The following MYL6B variants were observed in gnomAD, a reference collection of about 807,000 sequenced individuals.
MYL6B encodes the protein myosin light chain 6B, also known as myosin alkali light chain 1 slow a.
Under a neutral mutation model 24.5 loss-of-function variants are expected in MYL6B, and 19 were observed. The ratio of observed to expected loss-of-function variants is 0.78; its 90% CI spans 0.54 to 1.14. MYL6B has a LOEUF of 1.14. MYL6B is among the 50% of genes most tolerant of loss of function. The probability of loss-of-function intolerance (pLI) is 0.00; values close to 1 mark genes in which losing one functional copy is unlikely to be tolerated. For synonymous variants in MYL6B, 90 were observed against 100.7 expected (o/e 0.89, Z 0.64); for missense variants, 230 against 263.8 (o/e 0.87, Z 0.89).
At position 56,154,868 on chromosome 12, in the gene MYL6B, G is replaced by C. The variant is rs753411817; in HGVS notation, c.202+28G>C. ...GAGGAGAAGCTCATCTAAGGCCACT[G>C]TCCCATCCCCAATCCCCTGGTCAGA... On this transcript the variant is annotated intron_variant, in intron 3 of 6. Coordinates refer to ENST00000553066, the Ensembl canonical transcript of MYL6B. The C allele has an allele frequency of 1.9e-6, 3 of 1,606,518 alleles. No individual in the cohort carries two copies. The South Asian group carries it at 3.3e-5, about 18-fold the overall frequency.
chr12:56,157,719 G>A (rs1179354540), exon 7 of MYL6B: 2 of 1,612,142 alleles, frequency 1.2e-6, no homozygotes, highest in African/African-American at 2.7e-5. Context: ...CACATCCTAA[G>A]CGTCTGAGTG....
intron 1 of MYL6B, 64 bp from the exon 2 acceptor site, chr12:56,153,800 TTGCCACAGC>T: frequency 9.2e-7 from 1 of 1,083,938 alleles, no homozygotes; most frequent in Non-Finnish European, 1.3e-6. Flanking sequence ...TACCTCATCT[TTGCCACAGC>T]CAACTGGCTC....
chr12:56,156,085 C>T (rs1455626733), intron 5 of MYL6B: 1 of 1,015,086 alleles, frequency 9.9e-7, no homozygotes, highest in South Asian at 2.7e-5. Flanking sequence ...GCGGGCGGAT[C>T]ACCTTAGCTC....
chr12:56,155,033 C>T, intron 3 of MYL6B, 22 bp from the exon 4 acceptor site: 2 of 1,601,378 alleles, frequency 1.2e-6, no homozygotes, highest in Non-Finnish European at 1.7e-6. Context: ...AGTGTCTACA[C>T]TGACCCTTCC....
chr12:56,155,071 C>T (rs1758424812), exon 4 of MYL6B: 7 of 1,612,726 alleles, frequency 4.3e-6, no homozygotes, highest in Admixed American at 3.3e-5. Context: ...AGGAGGCCTT[C>T]GAGCTGTTTG....
chr12:56,155,760 C>T (rs2136905319), intron 5 of MYL6B, 168 bp downstream of exon 5: 1 of 1,528,994 alleles, frequency 6.5e-7, no homozygotes, highest in East Asian at 2.5e-5. Flanking sequence ...GAAGGACTCG[C>T]TCTTCCAGAG....
chr12:56,157,179 G>C (rs1016580172), intron 5 of MYL6B: 6 of 376,392 alleles, frequency 1.6e-5, no homozygotes, highest in African/African-American at 1.2e-4. Flanking sequence ...TGTATGACCT[G>C]AGGTCAAGAG....
At chr12:56,155,741 G>C in intron 5 of MYL6B, 149 bp downstream of exon 5, 1 of 1,538,300 alleles carries the variant, frequency 6.5e-7, no homozygotes, top group Non-Finnish European at 8.7e-7. Flanking sequence ...AGCTATGGGG[G>C]TAGAATCTGA....
Position 56,152,798 on chromosome 12 carries a change from C to G in MYL6B, c.-47+167C>G, listed in dbSNP as rs571533168. ...GTTTTGCGAATGGGAGACCCAGCAT[C>G]AACCCCGGGGCCTAAGTGGAATCAC... On this transcript the variant is annotated intron_variant, in intron 1 of 6. Transcript: ENST00000553066. Among the ~76,000 whole-genome samples the G allele has an allele frequency of 8.6e-5, 13 of 151,924 alleles. No homozygotes were observed. In the South Asian group the frequency reaches 2.7e-3, roughly 32 times the overall value.
chr12:56,157,980 T>G (rs1871409441), exon 7 of MYL6B: 3 of 586,242 alleles, frequency 5.1e-6, no homozygotes, highest in Non-Finnish European at 9.1e-6. Flanking sequence ...GTTCCTCTCT[T>G]GGTTTCAGAC....
intron 6 of MYL6B, 51 bp downstream of exon 6, chr12:56,157,596 C>T (rs1223840593): frequency 6.2e-7 from 1 of 1,612,602 alleles, no homozygotes; most frequent in Admixed American, 1.7e-5. Flanking sequence ...GGCAGCCTGG[C>T]GTCTTGCCGC....
chr12:56,154,022 A>G, exon 2 of MYL6B: 3 of 1,614,082 alleles, frequency 1.9e-6, no homozygotes, highest in Non-Finnish European at 2.5e-6. Flanking sequence ...GCCAAGACCA[A>G]AGCTGAGCCA....
chr12:56,155,488 G>A, exon 5 of MYL6B: 1 of 1,614,070 alleles, frequency 6.2e-7, no homozygotes, highest in Non-Finnish European at 8.5e-7. Context: ...AAGAACCGAG[G>A]CCAAGGCACA....
chr12:56,156,690 C>T (rs1006935105), intron 5 of MYL6B, among the ~76,000 whole-genome samples: 14 of 151,232 alleles, frequency 9.3e-5, no homozygotes, highest in African/African-American at 1.5e-4. Context: ...GCAGGAGGAT[C>T]GCTTGAGCCC....
chr12:56,157,638 A>T (rs1438225234), intron 6 of MYL6B, 60 bp from the exon 7 acceptor site: 1 of 1,613,208 alleles, frequency 6.2e-7, no homozygotes, highest in Non-Finnish European at 8.5e-7. Context: ...GATTACCTAG[A>T]GTCAGATGTA....
chr12:56,155,335 G>A, intron 4 of MYL6B, 84 bp from the exon 5 acceptor site: 1 of 1,598,520 alleles, frequency 6.3e-7, no homozygotes, highest in Non-Finnish European at 8.5e-7. Flanking sequence ...ATGCTGAATA[G>A]GATGAAAGCA....
At chr12:56,153,372 A>C (rs1218678337) in intron 1 of MYL6B, 2 of 961,530 alleles carry the variant, frequency 2.1e-6, no homozygotes, top group East Asian at 2.3e-4. Flanking sequence ...TTAGACTCTA[A>C]GGTTAACTAC....
chr12:56,155,366 G>A (rs1267662937), intron 4 of MYL6B, 53 bp from the exon 5 acceptor site: 1 of 1,611,742 alleles, frequency 6.2e-7, no homozygotes, highest in Non-Finnish European at 8.5e-7. Flanking sequence ...GTTGGGAGCT[G>A]GGTCCTATGT....
intron 5 of MYL6B, 42 bp downstream of exon 5, chr12:56,155,634 A>C: frequency 6.2e-7 from 1 of 1,610,262 alleles, no homozygotes; most frequent in Non-Finnish European, 8.5e-7. Flanking sequence ...TAGAGTGGAG[A>C]GGGGGATGGG....
Sources: allele counts gnomAD v4.1 joint callset (sites outside exome capture counted in the v4.1 genomes callset), GRCh38; gene constraint gnomAD v4.1.1; transcripts MANE v1.5; gene names NCBI Gene and HGNC (gene_info 2026-07-23, HGNC 2026-07-21).